The following PHLDB2 variants were observed in gnomAD, a reference collection of about 807,000 sequenced individuals.
PHLDB2 encodes the protein pleckstrin homology-like domain family B member 2.
A neutral mutation model predicts 123.6 loss-of-function variants in PHLDB2; 71 were observed. The ratio of observed to expected loss-of-function variants is 0.57; its 90% CI spans 0.47 to 0.70. PHLDB2 has a LOEUF of 0.70. PHLDB2 is among the 30% of genes least tolerant of loss of function. The pLI is 0.00. For synonymous variants in PHLDB2, 547 were observed against 541.6 expected (o/e 1.01, Z -0.14); for missense variants, 1,446 against 1,519.5 (o/e 0.95, Z 0.80).
At chr3:111,960,227 G>C (rs970926238) in intron 12 of PHLDB2, 59 of 579,838 alleles carry the variant, frequency 1.0e-4, no homozygotes, top group Non-Finnish European at 1.2e-4. Context: ...AAAAAAAGAC[G>C]CAGCTTCACG....
chr3:111,950,444 G>A (rs1389032367), intron 10 of PHLDB2, among the ~76,000 whole-genome samples: 5 of 152,116 alleles, frequency 3.3e-5, no homozygotes, highest in African/African-American at 1.2e-4. Flanking sequence ...TGGGAACTGA[G>A]GCTCAGTGAG....
intron 1 of PHLDB2, among the ~76,000 whole-genome samples, chr3:111,755,330 C>T (rs992003720): frequency 1.5e-3 from 223 of 146,394 alleles, no homozygotes; most frequent in African/African-American, 5.4e-3. Context: ...AATTTCAGAG[C>T]CTGTTATTGG....
chr3:111,935,578 C>T (rs1427186857), intron 6 of PHLDB2, among the ~76,000 whole-genome samples: 1 of 151,976 alleles, frequency 6.6e-6, no homozygotes, highest in African/African-American at 2.4e-5. Flanking sequence ...CCCAAAATCA[C>T]AAGGTCCCAC....
chr3:111,873,909 T>C (rs535673842), intron 1 of PHLDB2, among the ~76,000 whole-genome samples: 2 of 152,282 alleles, frequency 1.3e-5, no homozygotes, highest in East Asian at 1.9e-4. Flanking sequence ...CAGAAAAAGA[T>C]TTAGAGAACT....
At chr3:111,851,437 A>G (rs937743796) in intron 2 of PHLDB2, among the ~76,000 whole-genome samples, 1 of 152,122 alleles carries the variant, frequency 6.6e-6, no homozygotes, top group Non-Finnish European at 1.5e-5. Flanking sequence ...CTGTGACTAC[A>G]GAGTAATCAT....
chr3:111,961,798 TTTGA>T (rs2071426810), intron 12 of PHLDB2: 1 of 323,622 alleles, frequency 3.1e-6, no homozygotes, highest in Non-Finnish European at 5.6e-6. Flanking sequence ...ATTCAGGGCC[TTTGA>T]TTGTGTTTCT....
At chr3:111,764,395 A>C (rs2060043519) in intron 1 of PHLDB2, among the ~76,000 whole-genome samples, 1 of 152,228 alleles carries the variant, frequency 6.6e-6, no homozygotes, top group African/African-American at 2.4e-5. Context: ...GACAGAGTAC[A>C]TGGTAAACTA....
rs193289707 is a variant in PHLDB2, at chr3:111,769,423, G to C, written c.-49+36720G>C. On this transcript the variant is annotated intron_variant, in intron 1 of 17. Coordinates refer to the PHLDB2 transcript ENST00000393923. ...CTTTTCCCCATATTCTACCATCCTAGAGAGTAAAAGACAAACTCTTACCTC... is the reference window on the plus strand; with the variant it reads ...CTTTTCCCCATATTCTACCATCCTACAGAGTAAAAGACAAACTCTTACCTC... Among the ~76,000 whole-genome samples the C allele has an allele frequency of 2.2e-3, 341 of 152,246 alleles. 1 individual carries two copies. Among genetic ancestry groups the C allele is most frequent in the Admixed American group, 4.4e-3 (68 of 15,302 alleles).
chr3:111,962,929 C>CAA (rs57625439), intron 13 of PHLDB2, among the ~76,000 whole-genome samples: 60 of 93,794 alleles, frequency 6.4e-4, no homozygotes, highest in Admixed American at 1.9e-3. Flanking sequence ...AACTCCATCT[C>CAA]AAAAAAAAAA....
chr3:111,871,708 A>G (rs181966810), intron 1 of PHLDB2, among the ~76,000 whole-genome samples: 1 of 152,344 alleles, frequency 6.6e-6, no homozygotes, highest in African/African-American at 2.4e-5. Context: ...TGTTTTCATT[A>G]TCTTGAAACT....
Position 111,766,676 on chromosome 3 carries a change from G to A in PHLDB2, c.-49+33973G>A, listed in dbSNP as rs75009193. On this transcript the variant is annotated intron_variant, in intron 1 of 17. Coordinates refer to the PHLDB2 transcript ENST00000393923. Reference sequence around the variant, plus strand: ...TGAGTCATTTATTTATTTGATAAACGTTTACTGGACCCTTACTAGGTAGTG... The same window carrying A: ...TGAGTCATTTATTTATTTGATAAACATTTACTGGACCCTTACTAGGTAGTG... Among the ~76,000 whole-genome samples, 591 of 152,074 alleles carry A rather than the reference G, an allele frequency of 3.9e-3. 5 individuals carry two copies. Among genetic ancestry groups the A allele is most frequent in the African/African-American group, 0.014 (567 of 41,496 alleles).
intron 10 of PHLDB2, chr3:111,949,997 G>A: frequency 1.4e-6 from 1 of 720,684 alleles, no homozygotes; most frequent in Non-Finnish European, 1.7e-6. Flanking sequence ...AAAAAGGCAA[G>A]TTGCATACTT....
chr3:111,834,934 T>C (rs559240774), intron 1 of PHLDB2, among the ~76,000 whole-genome samples: 45 of 152,228 alleles, frequency 3.0e-4, no homozygotes, highest in Non-Finnish European at 5.6e-4. Flanking sequence ...ATTATTGCCA[T>C]AGTAATCTTC....
chr3:111,935,882 C>T (rs2069460788), intron 6 of PHLDB2, among the ~76,000 whole-genome samples: 1 of 152,192 alleles, frequency 6.6e-6, no homozygotes, highest in East Asian at 1.9e-4. Context: ...TCCTCCCAGA[C>T]ACACCCAGGA....
At chr3:111,768,871 G>A (rs1234334603) in intron 1 of PHLDB2, among the ~76,000 whole-genome samples, 1 of 152,150 alleles carries the variant, frequency 6.6e-6, no homozygotes, top group African/African-American at 2.4e-5. Flanking sequence ...GAATGCTTCA[G>A]CATACCATTG....
exon 1 of PHLDB2, chr3:111,732,501 C>T (rs980259486): frequency 9.8e-6 from 9 of 921,022 alleles, no homozygotes; most frequent in Non-Finnish European, 1.5e-5. Flanking sequence ...TGCCTGTGAC[C>T]ACAGTCTGCA....
At chr3:111,942,601 C>T (rs961118024) in intron 8 of PHLDB2, among the ~76,000 whole-genome samples, 1 of 151,946 alleles carries the variant, frequency 6.6e-6, no homozygotes, top group Non-Finnish European at 1.5e-5. Flanking sequence ...CATGTTTTTA[C>T]GTTTTTGTTT....
chr3:111,970,470 C>T (rs1241246614), intron 16 of PHLDB2, among the ~76,000 whole-genome samples: 1 of 152,152 alleles, frequency 6.6e-6, no homozygotes, highest in East Asian at 1.9e-4. Flanking sequence ...AATCATTCAA[C>T]TATAGTTCAT....
At chr3:111,861,830 G>T (rs2064847695) in intron 1 of PHLDB2, among the ~76,000 whole-genome samples, 1 of 152,138 alleles carries the variant, frequency 6.6e-6, no homozygotes, top group Non-Finnish European at 1.5e-5. Flanking sequence ...CCAATCTCTG[G>T]TTTTCCCTAT....
Sources: gnomAD v4.1 joint callset for allele counts (sites outside exome capture counted in the v4.1 genomes callset) on GRCh38, gnomAD v4.1.1 for gene constraint, MANE v1.5 for transcripts, NCBI Gene and HGNC (gene_info 2026-07-23, HGNC 2026-07-21) for gene names.